GPC3: variants seen among roughly 807,000 people sequenced by gnomAD.
The protein encoded by GPC3 is glypican-3.
A neutral mutation model predicts 34.4 loss-of-function variants in GPC3; 3 were observed. The observed-to-expected ratio is 0.09, with a 90% CI of 0.04 to 0.23. GPC3 has a LOEUF of 0.23. Among genes scored for constraint, GPC3 ranks in the 10% least tolerant of loss-of-function variants. The pLI is 1.00. For missense variants in GPC3, 351 were observed against 445.6 expected, an observed-to-expected ratio of 0.79 and a Z score of 1.91; for synonymous variants, 177 against 174.0, an observed-to-expected ratio of 1.02 and a Z score of -0.13.
At chrX:133,790,365 T>C (rs1021896341) in intron 2 of GPC3, among the ~76,000 whole-genome samples, 39 of 91,198 alleles carry the variant, frequency 4.3e-4, no homozygotes, top group Non-Finnish European at 6.9e-4. Flanking sequence ...CCTCTGGAGA[T>C]TGATGACATT....
intron 7 of GPC3, among the ~76,000 whole-genome samples, chrX:133,577,357 AATAT>A (rs2069693903): frequency 8.9e-6 from 1 of 112,689 alleles, no homozygotes; most frequent in Non-Finnish European, 1.9e-5. Context: ...AAATTGCATA[AATAT>A]ATACATTTAC....
chrX:133,903,380 G>A (rs2076153782), intron 2 of GPC3, among the ~76,000 whole-genome samples: 2 of 111,169 alleles, frequency 1.8e-5, no homozygotes, highest in Admixed American at 9.6e-5. Context: ...GAGGCTAGGA[G>A]TTCGAGATCA....
intron 2 of GPC3, among the ~76,000 whole-genome samples, chrX:133,887,859 T>C (rs1293414834): frequency 2.7e-5 from 3 of 111,570 alleles, no homozygotes; most frequent in African/African-American, 6.5e-5. Context: ...GCCTGAGTTT[T>C]TGAGGTCAAA....
At chrX:133,765,201 T>C (rs1297864560) in intron 2 of GPC3, among the ~76,000 whole-genome samples, 1 of 112,063 alleles carries the variant, frequency 8.9e-6, no homozygotes, top group Non-Finnish European at 1.9e-5. Context: ...CAAACAGCCA[T>C]GCGAAGACTG....
At chrX:133,598,094 A>T (rs1030735903) in intron 6 of GPC3, among the ~76,000 whole-genome samples, 21 of 112,460 alleles carry the variant, frequency 1.9e-4, no homozygotes, top group Non-Finnish European at 3.0e-4. Flanking sequence ...GAGAAATTTT[A>T]AAAATATTTA....
chrX:133,632,633 A>G (rs1444554867), intron 6 of GPC3, among the ~76,000 whole-genome samples: 1 of 112,123 alleles, frequency 8.9e-6, no homozygotes, highest in Admixed American at 9.5e-5. Context: ...CGTAGCTTCC[A>G]GTGATCTCTT....
At chrX:133,970,386 G>A (rs2076485830) in intron 1 of GPC3, among the ~76,000 whole-genome samples, 1 of 111,584 alleles carries the variant, frequency 9.0e-6, no homozygotes, top group Admixed American at 9.5e-5. Flanking sequence ...AGGACCCAGA[G>A]TCAAAACATG....
intron 2 of GPC3, among the ~76,000 whole-genome samples, chrX:133,775,895 G>T (rs1169737681): frequency 8.9e-6 from 1 of 111,768 alleles, no homozygotes; most frequent in Non-Finnish European, 1.9e-5. Context: ...TGGGTTTAAA[G>T]AAAGGTGCAT....
intron 7 of GPC3, among the ~76,000 whole-genome samples, chrX:133,591,269 G>A (rs979745331): frequency 8.9e-6 from 1 of 112,160 alleles, no homozygotes; most frequent in African/African-American, 3.2e-5. Flanking sequence ...GGTGTTCCAA[G>A]TCTAGCTGAC....
At chrX:133,629,038 G>A (rs146568739) in intron 6 of GPC3, among the ~76,000 whole-genome samples, 131 of 112,281 alleles carry the variant, frequency 1.2e-3, no homozygotes, top group African/African-American at 4.1e-3. Context: ...TGTGAACACT[G>A]ATTCATTTCA....
intron 2 of GPC3, among the ~76,000 whole-genome samples, chrX:133,935,465 TTCTC>T (rs1267439716): frequency 1.8e-5 from 2 of 110,989 alleles, no homozygotes. Flanking sequence ...TTCTGTCTTC[TTCTC>T]TCTCTGACCT....
chrX:133,738,244 G>C (rs2071528957), intron 3 of GPC3, among the ~76,000 whole-genome samples: 1 of 112,160 alleles, frequency 8.9e-6, no homozygotes, highest in South Asian at 3.7e-4. Context: ...GATTACAGGC[G>C]TGAGCCATTG....
rs371446776 is a variant in GPC3, at chrX:133,779,495, T to C, written c.338-25319A>G. ...CTACCTGTAAAATCGGGATAATAAT[T>C]GTACCTGCCCTAAGAGGGCTGTTGT... is the stretch of plus-strand genomic sequence containing the variant. On this transcript the variant is annotated intron_variant, in intron 2 of 7. Coordinates refer to ENST00000370818, the MANE Select transcript of GPC3 (RefSeq NM_004484.4). 2.0e-4 allele frequency among the ~76,000 whole-genome samples: 22 copies of C among 111,974 alleles called. 1 individual carries two copies. The South Asian group carries it at 8.3e-3, about 42-fold the overall frequency.
At chrX:133,667,103 G>A (rs1159780902) in intron 5 of GPC3, among the ~76,000 whole-genome samples, 6 of 111,841 alleles carry the variant, frequency 5.4e-5, no homozygotes, top group Non-Finnish European at 7.5e-5. Flanking sequence ...GTACACTTCC[G>A]ATGTGATGTT....
chrX:133,598,466 T>A (rs184356845), intron 6 of GPC3, among the ~76,000 whole-genome samples: 1 of 111,724 alleles, frequency 9.0e-6, no homozygotes, highest in East Asian at 2.8e-4. Flanking sequence ...GTTTTATAAA[T>A]CTCTTTGATG....
chrX:133,808,817 T>C (rs1376659114), intron 2 of GPC3, among the ~76,000 whole-genome samples: 1 of 110,647 alleles, frequency 9.0e-6, no homozygotes. Context: ...CCACCTACAG[T>C]TTCTTGTACA....
At chrX:133,687,092 A>AT (rs775110101) in intron 5 of GPC3, among the ~76,000 whole-genome samples, 12,565 of 68,923 alleles carry the variant, frequency 0.18, 2,113 homozygotes, top group African/African-American at 0.53. Flanking sequence ...TGGCCGGCTA[A>AT]TTTTTTTTTT....
intron 3 of GPC3, among the ~76,000 whole-genome samples, chrX:133,715,088 T>C (rs2071302124): frequency 8.9e-6 from 1 of 111,816 alleles, no homozygotes; most frequent in African/African-American, 3.3e-5. Flanking sequence ...ACAACCTCAA[T>C]CTCTGTGGGC....
intron 2 of GPC3, among the ~76,000 whole-genome samples, chrX:133,899,080 G>A (rs147826244): frequency 0.027 from 2,983 of 112,179 alleles, 42 homozygotes; most frequent in Middle Eastern, 0.051. Context: ...GCCTGACCTT[G>A]TTAAGTATTT....
Sources: gnomAD v4.1 joint callset for allele counts (sites outside exome capture counted in the v4.1 genomes callset) on GRCh38, gnomAD v4.1.1 for gene constraint, MANE v1.5 for transcripts, NCBI Gene and HGNC (gene_info 2026-07-23, HGNC 2026-07-21) for gene names.